RGS12: variants seen among roughly 807,000 people sequenced by gnomAD.
The protein encoded by RGS12 is regulator of G-protein signaling 12.
In RGS12, 66 loss-of-function variants were observed where a neutral mutation model predicts 120.1. The ratio of observed to expected loss-of-function variants is 0.55; its 90% CI spans 0.45 to 0.67. RGS12 has a LOEUF of 0.67. Ranked by LOEUF, RGS12 falls within the 30% of genes least tolerant of loss-of-function variation. The probability of loss-of-function intolerance (pLI) is 0.00; values close to 1 mark genes in which losing one functional copy is unlikely to be tolerated. For synonymous variants in RGS12, 827 were observed against 804.7 expected (o/e 1.03, Z -0.47); for missense variants, 1,859 against 1,957.7 (o/e 0.95, Z 0.95).
chr4:3,356,108 C>G (rs561522671), intron 3 of RGS12, among the ~76,000 whole-genome samples: 1 of 143,936 alleles, frequency 6.9e-6, no homozygotes, highest in African/African-American at 2.6e-5. Flanking sequence ...TGCTGGAGTG[C>G]AGTGGTGTAA....
the RGS12 span, among the ~76,000 whole-genome samples, chr4:3,285,928 A>G: frequency 0.3 from 45,505 of 152,132 alleles, 7,005 homozygotes; most frequent in Middle Eastern, 0.41. Context: ...CGCCGTGAGG[A>G]AAATGTCCTG....
upstream of RGS12, among the ~76,000 whole-genome samples, chr4:3,292,340 C>G (rs1723068638): frequency 6.6e-6 from 1 of 152,166 alleles, no homozygotes; most frequent in Non-Finnish European, 1.5e-5. Context: ...GCTGCCCGCG[C>G]TCCGGGAGGG....
chr4:3,387,655 G>A (rs992332984), intron 4 of RGS12, among the ~76,000 whole-genome samples: 1 of 152,190 alleles, frequency 6.6e-6, no homozygotes, highest in East Asian at 1.9e-4. Context: ...TAAGGTGGAG[G>A]GAGGATAAAC....
At chr4:3,415,781 C>T (rs945734239) in intron 6 of RGS12, among the ~76,000 whole-genome samples, 197 bp from the exon 7 acceptor site, 3 of 152,214 alleles carry the variant, frequency 2.0e-5, no homozygotes, top group Non-Finnish European at 2.9e-5. Context: ...TTTAAGTATC[C>T]GTTTAAACAA....
At chr4:3,428,457 A>G (rs1723907222) in intron 15 of RGS12, 101 bp from the exon 16 acceptor site, 1 of 1,041,642 alleles carries the variant, frequency 9.6e-7, no homozygotes, top group South Asian at 1.6e-5. Flanking sequence ...ATTCTGTATC[A>G]ATGCAATCTA....
At chr4:3,323,887 G>C (rs912935417) in intron 2 of RGS12, 4 of 151,544 alleles carry the variant, frequency 2.6e-5, no homozygotes, top group African/African-American at 9.7e-5. Flanking sequence ...GAGAGAGAGA[G>C]AGAGAGAGAG....
chr4:3,342,945 A>C lies in RGS12; in HGVS notation c.1890A>C (p.Lys630Asn). ...RKTKEDKKGS[K>N]FGRGTGLTQP... Reference sequence around the variant, plus strand: ...TTTTTCTTCGTGTTTAGGGCTCAAAATTTGGGCGGGGAACTGGACTCACTC... The same window carrying C: ...TTTTTCTTCGTGTTTAGGGCTCAAACTTTGGGCGGGGAACTGGACTCACTC... Residue 630 changes from lysine (K) to asparagine (N), a missense_variant, in exon 3 of 18, where the codon AAA (lysine) becomes AAC (asparagine). By Grantham distance (94) the Lys-to-Asn change is moderately conservative (BLOSUM62 0). Around this residue, in one of 3 missense-constraint regions of RGS12, gnomAD observed 967 missense variants for 994.2 expected, o/e 0.97. Transcript: ENST00000336727. 1 of 1,613,378 alleles carries C rather than the reference A, an allele frequency of 6.2e-7. No individual in the cohort carries two copies. The highest frequency in any genetic ancestry group is 1.1e-5 in the South Asian group (1 of 91,060).
intron 13 of RGS12, 163 bp from the exon 14 acceptor site, chr4:3,425,301 C>T (rs1723491201): frequency 2.9e-6 from 2 of 682,054 alleles, no homozygotes; most frequent in African/African-American, 3.5e-5. Context: ...GAGCATGGCT[C>T]AGCCCCAGCT....
intron 2 of RGS12, among the ~76,000 whole-genome samples, chr4:3,337,514 A>G (rs1712607878): frequency 6.6e-6 from 1 of 152,010 alleles, no homozygotes; most frequent in Non-Finnish European, 1.5e-5. Context: ...GTCCATCCAT[A>G]CCGCGGAATA....
chr4:3,424,257 T>C (rs1328672222), intron 13 of RGS12, among the ~76,000 whole-genome samples: 1 of 152,280 alleles, frequency 6.6e-6, no homozygotes, highest in Non-Finnish European at 1.5e-5. Context: ...CTGCCTAGTC[T>C]TCTTTCCTTG....
intron 3 of RGS12, among the ~76,000 whole-genome samples, chr4:3,368,668 A>AG (rs1215624571): frequency 2.5e-5 from 1 of 40,614 alleles, no homozygotes; most frequent in African/African-American, 1.0e-4. Context: ...ATGTGTGTGT[A>AG]GGGGGGGTGC....
intron 3 of RGS12, among the ~76,000 whole-genome samples, chr4:3,370,549 G>A (rs1340158551): frequency 3.3e-5 from 5 of 152,230 alleles, no homozygotes; most frequent in African/African-American, 1.2e-4. Flanking sequence ...CCCGGCCGCC[G>A]GCCTCAACCC....
intron 4 of RGS12, among the ~76,000 whole-genome samples, chr4:3,411,888 GTCT>G (rs1159894318): frequency 6.6e-6 from 1 of 152,276 alleles, no homozygotes; most frequent in Non-Finnish European, 1.5e-5. Flanking sequence ...GCTGGTGCGC[GTCT>G]TCTTGCAGTG....
At position 3,392,054 on chromosome 4, in the gene RGS12, G is replaced by T. The variant is rs148900868; in HGVS notation, c.2020+5617G>T. ...AGAGTATGTATGAAGTTTGCAGAAA[G>T]AAAGCATTATGTAGATTGGATTGAA... On this transcript the variant is annotated intron_variant, in intron 4 of 17. Coordinates refer to ENST00000336727, the MANE Select transcript of RGS12 (RefSeq NM_001394154.1). Among the ~76,000 whole-genome samples the T allele has an allele frequency of 1.8e-3, 272 of 152,308 alleles. 2 individuals are homozygous for T. The highest frequency in any genetic ancestry group is 6.3e-3 in the African/African-American group (262 of 41,562).
chr4:3,293,441 C>T (rs1433970768), intron 1 of RGS12, among the ~76,000 whole-genome samples: 1 of 144,928 alleles, frequency 6.9e-6, no homozygotes, highest in African/African-American at 2.6e-5. Flanking sequence ...CCCGCGGGGG[C>T]GGCGCCGGGC....
At chr4:3,349,988 T>C (rs1193337445) in intron 3 of RGS12, among the ~76,000 whole-genome samples, 1 of 152,230 alleles carries the variant, frequency 6.6e-6, no homozygotes, top group African/African-American at 2.4e-5. Context: ...TGTACTTTAT[T>C]TATTTTTAAT....
Position 3,416,546 on chromosome 4 carries a change from G to A in RGS12, c.2428-367G>A, listed in dbSNP as rs77369300. Among the ~76,000 whole-genome samples, 731 of 152,360 alleles carry A rather than the reference G, an allele frequency of 4.8e-3. 2 individuals are homozygous for A. The highest frequency in any genetic ancestry group is 0.017 in the African/African-American group (700 of 41,580). On this transcript the variant is annotated intron_variant, in intron 7 of 17. Transcript: ENST00000336727. The stretch of plus-strand genomic sequence containing the variant: ...CTGCGGCACGTGGGTCACGTTCACA[G>A]AAGCATAGGGTGGCATTTTCAAAGC...
At position 3,342,947 on chromosome 4, in the gene RGS12, T is replaced by G. The variant is rs200183470; in HGVS notation, c.1892T>G (p.Phe631Cys). ...TTTCTTCGTGTTTAGGGCTCAAAAT[T>G]TGGGCGGGGAACTGGACTCACTCAG... ...KTKEDKKGSK[F>C]GRGTGLTQPS... Residue 631 changes from phenylalanine (F) to cysteine (C), a missense_variant, in exon 3 of 18, where the codon TTT becomes TGT. Coordinates refer to ENST00000336727, the MANE Select transcript of RGS12 (RefSeq NM_001394154.1). 6.2e-7 allele frequency: 1 copy of G among 1,613,474 alleles called. No homozygotes were observed. Among genetic ancestry groups the G allele is most frequent in the South Asian group, 1.1e-5 (1 of 91,066 alleles).
At chr4:3,434,713 CCTT>C (rs1309952089) in intron 17 of RGS12, among the ~76,000 whole-genome samples, 1 of 152,228 alleles carries the variant, frequency 6.6e-6, no homozygotes, top group Non-Finnish European at 1.5e-5. Context: ...GCACAGTGCT[CCTT>C]CTGTACGCGC....
Sources: gnomAD v4.1 joint callset for allele counts (sites outside exome capture counted in the v4.1 genomes callset) on GRCh38, gnomAD v4.1.1 for gene constraint, gnomAD v4.1.1 regional missense constraint, MANE v1.5 for transcripts, NCBI Gene and HGNC (gene_info 2026-07-23, HGNC 2026-07-21) for gene names.